Variants in PCDH15 observed in about 807,000 individuals in gnomAD.
The protein encoded by PCDH15 is protocadherin-15.
PCDH15 carries 129 observed loss-of-function variants against 178.5 expected under a neutral mutation model. The observed-to-expected ratio is 0.72, with a 90% CI of 0.63 to 0.84. PCDH15 has a LOEUF of 0.84. PCDH15 is among the 40% of genes least tolerant of loss of function. PCDH15 has a pLI of 0.00. For synonymous variants in PCDH15, 800 were observed against 732.0 expected (o/e 1.09, Z -1.50); for missense variants, 2,230 against 2,099.9 (o/e 1.06, Z -1.21).
In PCDH15 at chr10:55,033,798, T is replaced by C. The variant is rs139680277; in HGVS notation, c.-80+132778A>G. 1.6e-3 allele frequency among the ~76,000 whole-genome samples: 250 copies of C among 152,314 alleles called. 2 individuals carry two copies. Among genetic ancestry groups the C allele is most frequent in the African/African-American group, 5.8e-3 (241 of 41,566 alleles). On this transcript the variant is annotated intron_variant, in intron 2 of 5. Coordinates refer to the PCDH15 transcript ENST00000458638. ...TGAGGGAGCTAGGGATATAATGCTA[T>C]GGTTTGAATGTGTCCTCTCCGAAAT...
chr10:55,003,275 T>G (rs1465615805), intron 2 of PCDH15, among the ~76,000 whole-genome samples: 1 of 152,208 alleles, frequency 6.6e-6, no homozygotes, highest in Non-Finnish European at 1.5e-5. Flanking sequence ...GACTCTGGAA[T>G]GCAGTTTTCT....
chr10:55,305,609 G>C (rs1310199444), intron 1 of PCDH15, among the ~76,000 whole-genome samples: 2 of 152,156 alleles, frequency 1.3e-5, no homozygotes, highest in Non-Finnish European at 2.9e-5. Flanking sequence ...CATAATGTCT[G>C]GGACATTACA....
chr10:55,428,166 T>C (rs868382152), intron 2 of PCDH15, among the ~76,000 whole-genome samples: 1 of 152,048 alleles, frequency 6.6e-6, no homozygotes, highest in Non-Finnish European at 1.5e-5. Flanking sequence ...GTGTTTGACC[T>C]AATCAATTAG....
intron 18 of PCDH15, among the ~76,000 whole-genome samples, chr10:54,054,178 T>A (rs2093835173): frequency 6.6e-6 from 1 of 152,120 alleles, no homozygotes; most frequent in Non-Finnish European, 1.5e-5. Context: ...TATATGTCTA[T>A]TTGAGGCTGT....
At chr10:55,118,224 T>A (rs1054161520) in intron 2 of PCDH15, among the ~76,000 whole-genome samples, 3 of 152,200 alleles carry the variant, frequency 2.0e-5, no homozygotes, top group African/African-American at 7.2e-5. Context: ...GCCATAGGGC[T>A]GTTTCAGGGA....
intron 2 of PCDH15, among the ~76,000 whole-genome samples, chr10:54,589,292 A>G (rs2091723232): frequency 6.6e-6 from 1 of 152,092 alleles, no homozygotes; most frequent in Non-Finnish European, 1.5e-5. Flanking sequence ...AGACCTTAAT[A>G]TTTCTGTTCC....
At chr10:54,600,733 A>T (rs1251882165) in intron 2 of PCDH15, 5 of 517,350 alleles carry the variant, frequency 9.7e-6, no homozygotes. Flanking sequence ...TTCAAAATGC[A>T]TGTGATTGAC....
chr10:54,307,104 GTATATATA>G lies in PCDH15; in HGVS notation c.876+10159_876+10166del, dbSNP rs1170885233. On this transcript the variant is annotated intron_variant, in intron 8 of 37. Coordinates refer to ENST00000644397, the MANE Select transcript of PCDH15 (RefSeq NM_001384140.1). ...TACATATATATATATGTGTGTGTGT[GTATATATA>G]TATATATATATATATATATATATAT... Among the ~76,000 whole-genome samples the G allele has an allele frequency of 1.7e-3, 46 of 26,564 alleles. 6 individuals are homozygous for G. The highest frequency in any genetic ancestry group is 0.012 in the East Asian group (8 of 682). The allele number at this position is 26,564 out of a possible 152,430, so 17.4% of individuals were successfully genotyped here.
Position 54,001,324 on chromosome 10 carries a change from T to A in PCDH15, c.2752-5559A>T, listed in dbSNP as rs933805511. Among the ~76,000 whole-genome samples the A allele has an allele frequency of 9.9e-5, 15 of 152,144 alleles. No individual in the cohort carries two copies. The South Asian group carries it at 1.4e-3, about 15-fold the overall frequency. On this transcript the variant is annotated intron_variant, in intron 20 of 37. Transcript: ENST00000644397. ...GTAACTGTGGTGGTGTATAAAATAT[T>A]CTTATGTTAAGTAGAAAGACTAAAT...
At chr10:54,189,352 C>T (rs747588284) in intron 11 of PCDH15, 2 of 1,571,470 alleles carry the variant, frequency 1.3e-6, no homozygotes, top group African/African-American at 1.4e-5. Context: ...AAGCTTAACA[C>T]CTAGTACCTA....
intron 24 of PCDH15, 32 bp from the exon 25 acceptor site, chr10:53,938,987 G>A: frequency 1.2e-6 from 2 of 1,601,426 alleles, no homozygotes; most frequent in Non-Finnish European, 1.7e-6. Context: ...CCTGGTCATT[G>A]TCTTTACGCT....
chr10:54,307,028 A>ATGTGTGTG (rs1218411712), intron 8 of PCDH15, among the ~76,000 whole-genome samples: 1 of 30,734 alleles, frequency 3.3e-5, no homozygotes, highest in Admixed American at 5.0e-4. Context: ...ATATATATAT[A>ATGTGTGTG]TGTGTGTGTG....
intron 2 of PCDH15, among the ~76,000 whole-genome samples, chr10:54,570,529 G>C (rs2089662567): frequency 6.6e-6 from 1 of 151,928 alleles, no homozygotes; most frequent in African/African-American, 2.4e-5. Flanking sequence ...ACTATTTCTT[G>C]TGGGATTTTC....
chr10:55,106,908 A>C (rs539916592), intron 2 of PCDH15, among the ~76,000 whole-genome samples: 22 of 152,312 alleles, frequency 1.4e-4, no homozygotes, highest in African/African-American at 5.3e-4. Context: ...CCATAATACA[A>C]TGATGGAGAG....
intron 2 of PCDH15, among the ~76,000 whole-genome samples, chr10:54,914,271 TATC>T (rs1202746345): frequency 1.3e-5 from 2 of 152,110 alleles, no homozygotes; most frequent in Non-Finnish European, 2.9e-5. Flanking sequence ...GGGAGTGAGT[TATC>T]ATGAGATTTC....
In PCDH15 at chr10:54,567,249, G is replaced by T. The variant is rs181285715; in HGVS notation, c.92-39372C>A. Among the ~76,000 whole-genome samples the T allele has an allele frequency of 5.9e-5, 9 of 152,104 alleles. No homozygotes were observed. The East Asian group carries it at 1.7e-3, about 30-fold the overall frequency. ...TGCATAGCAGTCCTTAATCAGATGT[G>T]TCTTTTGTGAGTATTTTCTCCCAGT... On this transcript the variant is annotated intron_variant, in intron 2 of 37. Transcript: ENST00000644397.
At chr10:54,543,794 C>T (rs929375548) in intron 2 of PCDH15, among the ~76,000 whole-genome samples, 2 of 152,174 alleles carry the variant, frequency 1.3e-5, no homozygotes. Context: ...TTTATAACTG[C>T]TGAGACAACT....
intron 2 of PCDH15, among the ~76,000 whole-genome samples, chr10:55,134,680 T>A (rs895598289): frequency 6.6e-6 from 1 of 152,154 alleles, no homozygotes; most frequent in Non-Finnish European, 1.5e-5. Context: ...AGGTAGGTTA[T>A]CATTTGATAT....
At chr10:54,495,952 A>G (rs978231091) in intron 3 of PCDH15, among the ~76,000 whole-genome samples, 3 of 152,196 alleles carry the variant, frequency 2.0e-5, no homozygotes, top group African/African-American at 7.2e-5. Flanking sequence ...AGAAATCTTA[A>G]GAATAGGACT....
Sources: gnomAD v4.1 joint callset for allele counts (sites outside exome capture counted in the v4.1 genomes callset) on GRCh38, gnomAD v4.1.1 for gene constraint, MANE v1.5 for transcripts, NCBI Gene and HGNC (gene_info 2026-07-23, HGNC 2026-07-21) for gene names.